MACROH2A2: variants seen among roughly 807,000 people sequenced by gnomAD.
MACROH2A2 encodes macroH2A.2 histone, also known as core histone macro-H2A.2.
In MACROH2A2, 6 loss-of-function variants were observed where a neutral mutation model predicts 37.6. That is an observed-to-expected ratio of 0.16 (90% CI 0.09 to 0.32). The LOEUF (loss-of-function observed/expected upper bound fraction) is 0.32, where lower values mean the gene tolerates loss of function less well. Ranked by LOEUF, MACROH2A2 falls within the 10% of genes least tolerant of loss-of-function variation. The probability of loss-of-function intolerance (pLI) is 1.00; values close to 1 mark genes in which losing one functional copy is unlikely to be tolerated. For synonymous variants in MACROH2A2, 192 were observed against 202.7 expected (o/e 0.95, Z 0.45); for missense variants, 290 against 485.9 (o/e 0.60, Z 3.79).
At chr10:70,061,943 G>C (rs2072052823) in intron 1 of MACROH2A2, among the ~76,000 whole-genome samples, 1 of 152,122 alleles carries the variant, frequency 6.6e-6, no homozygotes, top group Non-Finnish European at 1.5e-5. Flanking sequence ...GAAAGAAAAT[G>C]GTTTGGAAAG....
chr10:70,071,099 G>A (rs2072108001), intron 1 of MACROH2A2, among the ~76,000 whole-genome samples: 1 of 152,144 alleles, frequency 6.6e-6, no homozygotes, highest in Non-Finnish European at 1.5e-5. Flanking sequence ...GTGTGTGCGC[G>A]TGTGCACAGG....
At chr10:70,077,282 T>C (rs1261703891) in intron 2 of MACROH2A2, among the ~76,000 whole-genome samples, 3 of 152,200 alleles carry the variant, frequency 2.0e-5, no homozygotes, top group Admixed American at 6.5e-5. Context: ...CAAATGCAAG[T>C]TCCCGCCAGG....
In MACROH2A2 at chr10:70,107,188, G is replaced by A. The variant is rs550439619; in HGVS notation, c.779-1845G>A. Among the ~76,000 whole-genome samples the A allele has an allele frequency of 2.0e-5, 3 of 152,316 alleles. No homozygotes were observed. Among genetic ancestry groups the A allele is most frequent in the African/African-American group, 7.2e-5 (3 of 41,582 alleles). Reference sequence around the variant, plus strand: ...GTGTGATGACACTGAGCCCCGTCTAGGCACTGGAAGGCAGGGAGCCTACAG... The same window carrying A: ...GTGTGATGACACTGAGCCCCGTCTAAGCACTGGAAGGCAGGGAGCCTACAG... On this transcript the variant is annotated intron_variant, in intron 7 of 8. Coordinates refer to ENST00000373255, the MANE Select transcript of MACROH2A2 (RefSeq NM_018649.3). This position sits in a 1 kb window ranked among gnomAD's most constrained non-coding sequence, Gnocchi z 4.4.
At chr10:70,067,545 G>C (rs1348311092) in intron 1 of MACROH2A2, among the ~76,000 whole-genome samples, 3 of 152,078 alleles carry the variant, frequency 2.0e-5, no homozygotes, top group Non-Finnish European at 4.4e-5. Flanking sequence ...ACAATATTTA[G>C]AAAGTCTTAA....
chr10:70,090,185 G>A lies in MACROH2A2; in HGVS notation c.279+19G>A, dbSNP rs760446239. 1 of 1,524,304 alleles carries A rather than the reference G, an allele frequency of 6.6e-7. No homozygotes were observed. The highest frequency in any genetic ancestry group is 1.7e-5 in the Admixed American group (1 of 59,888). The allele number at this position is 1,524,304 out of a possible 1,614,324, so 94.4% of individuals were successfully genotyped here. The stretch of plus-strand genomic sequence containing the variant: ...CAACCAGGTATGTCTGAAGCCTTGA[G>A]GGAAGCCGTAGAATGGGTTTGCCAA... On this transcript the variant is annotated intron_variant, in intron 3 of 8. Transcript: ENST00000373255.
rs1180870015 is a variant in MACROH2A2 at position 70,110,624 on chromosome 10, C to G, written c.954-894C>G. Reference sequence around the variant, plus strand: ...AGGGAGCTGGCACGGTGGCTCACGCCTGTAAATCCAAAAGCTTTAGGAGGC... The same window carrying G: ...AGGGAGCTGGCACGGTGGCTCACGCGTGTAAATCCAAAAGCTTTAGGAGGC... On this transcript the variant is annotated intron_variant, in intron 8 of 8. Transcript: ENST00000373255. Among the ~76,000 whole-genome samples, 7 of 152,234 alleles carry G rather than the reference C, an allele frequency of 4.6e-5. No homozygotes were observed. The South Asian group carries it at 1.5e-3, about 32-fold the overall frequency.
At chr10:70,065,981 G>A (rs572629063) in intron 1 of MACROH2A2, among the ~76,000 whole-genome samples, 1 of 152,268 alleles carries the variant, frequency 6.6e-6, no homozygotes, top group South Asian at 2.1e-4. Flanking sequence ...CCTAAAGATC[G>A]TTCAAGTAAG....
Position 70,111,635 on chromosome 10 carries a change from G to C in MACROH2A2, c.1071G>C (p.Glu357Asp), listed in dbSNP as rs781465070. Residue 357 changes from glutamate (E) to aspartate (D), a missense_variant, in exon 9 of 9, where the codon GAG becomes GAC. By Grantham distance (45) the Glu-to-Asp change is conservative. This residue lies in a region of MACROH2A2 where 130 missense variants were observed against 257.1 expected (regional missense o/e 0.51). Coordinates refer to ENST00000373255, the MANE Select transcript of MACROH2A2 (RefSeq NM_018649.3). ...KNVYFLLFDS[E>D]SIGIYVQEMA... is the part of the protein sequence containing the mutation. ...TGTACTTCCTGCTCTTCGACAGCGA[G>C]AGCATCGGCATCTACGTGCAGGAGA... is the stretch of plus-strand genomic sequence containing the variant. The C allele has an allele frequency of 6.2e-7, 1 of 1,613,352 alleles. No homozygotes were observed. Among genetic ancestry groups the C allele is most frequent in the African/African-American group, 1.3e-5 (1 of 74,940 alleles).
rs551263867 is a variant in MACROH2A2, at chr10:70,054,798, A to G, written c.-60+1798A>G. ...GAGGCACTGCCCGGCGGAAAAGTTT[A>G]TCTTGAGTCGCATAATTCACATCTT... On this transcript the variant is annotated intron_variant, in intron 1 of 8. Coordinates refer to ENST00000373255, the MANE Select transcript of MACROH2A2 (RefSeq NM_018649.3). 2.0e-5 allele frequency among the ~76,000 whole-genome samples: 3 copies of G among 152,306 alleles called. No individual in the cohort carries two copies. The South Asian group carries it at 6.2e-4, about 32-fold the overall frequency.
chr10:70,076,960 C>G (rs12260565), intron 2 of MACROH2A2, among the ~76,000 whole-genome samples: 3 of 151,852 alleles, frequency 2.0e-5, no homozygotes, highest in Non-Finnish European at 4.4e-5. Context: ...TGTCCTCCCC[C>G]GAGAGCTTCC....
At chr10:70,094,750 G>A (rs954873547) in intron 5 of MACROH2A2, among the ~76,000 whole-genome samples, 4 of 152,204 alleles carry the variant, frequency 2.6e-5, no homozygotes, top group Non-Finnish European at 4.4e-5. Context: ...GCCAACAATA[G>A]AGAATGCCCT....
rs2136644347 is a variant in MACROH2A2 at position 70,107,613 on chromosome 10, A to G, written c.779-1420A>G. On this transcript the variant is annotated intron_variant, in intron 7 of 8. Coordinates refer to ENST00000373255, the MANE Select transcript of MACROH2A2 (RefSeq NM_018649.3). This position sits in a 1 kb window ranked among gnomAD's most constrained non-coding sequence, Gnocchi z 4.4. The stretch of plus-strand genomic sequence containing the variant: ...GCTTAGCAGCCACGGGGCTTTATCA[A>G]CTCTGTCACCAATGGGAACCACATT... Among the ~76,000 whole-genome samples, 1 of 152,240 alleles carries G rather than the reference A, an allele frequency of 6.6e-6. No individual in the cohort carries two copies. The highest frequency in any genetic ancestry group is 1.5e-5 in the Non-Finnish European group (1 of 68,020).
chr10:70,071,911 G>A (rs1256142537), intron 1 of MACROH2A2, among the ~76,000 whole-genome samples: 3 of 152,120 alleles, frequency 2.0e-5, no homozygotes, highest in South Asian at 2.1e-4. Flanking sequence ...GTGAAGGCCC[G>A]GGACATTATT....
intron 2 of MACROH2A2, among the ~76,000 whole-genome samples, chr10:70,079,214 C>T (rs959108634): frequency 2.6e-5 from 4 of 151,994 alleles, no homozygotes; most frequent in Non-Finnish European, 5.9e-5. Flanking sequence ...TGCATTTTCT[C>T]GTATCGATTG....
In MACROH2A2 at chr10:70,108,896, C is replaced by G. The variant is rs112871350; in HGVS notation, c.779-137C>G. The G allele has an allele frequency of 3.9e-3, 2,929 of 742,116 alleles. 64 individuals carry two copies. The African/African-American group carries it at 0.044, about 11-fold the overall frequency. The allele number at this position is 742,116 out of a possible 1,614,324, so 46.0% of individuals were successfully genotyped here. On this transcript the variant is annotated intron_variant, in intron 7 of 8. Coordinates refer to ENST00000373255, the MANE Select transcript of MACROH2A2 (RefSeq NM_018649.3). ...TGCTCTCGTTAAACATAGTCCACAT[C>G]AGGAGCACAGGATGCTGCCCAGCCA...
chr10:70,079,561 GCGCGCA>G (rs1461149780), intron 2 of MACROH2A2, among the ~76,000 whole-genome samples: 7 of 83,722 alleles, frequency 8.4e-5, no homozygotes, highest in African/African-American at 2.3e-4. Flanking sequence ...TCGCGCGCGC[GCGCGCA>G]CACACACACA....
intron 1 of MACROH2A2, among the ~76,000 whole-genome samples, chr10:70,065,338 A>C (rs143620615): frequency 0.048 from 7,313 of 152,160 alleles, 447 homozygotes; most frequent in East Asian, 0.24. Context: ...CGGCCTCCCA[A>C]AGTGCTGGGA....
intron 1 of MACROH2A2, among the ~76,000 whole-genome samples, chr10:70,073,426 A>T (rs2072121855): frequency 6.6e-6 from 1 of 152,194 alleles, no homozygotes; most frequent in African/African-American, 2.4e-5. Flanking sequence ...ACATGGCAAC[A>T]TTGCCTGATC....
In MACROH2A2 at chr10:70,088,828, G is replaced by A. The variant is rs184762585; in HGVS notation, c.173-1232G>A. ...AAAGAGGAAAAGGAGAGTCAACCAG[G>A]CGCAGTGGCTCAGGCCTGTAATCCC... On this transcript the variant is annotated intron_variant, in intron 2 of 8. Transcript: ENST00000373255. 2.5e-3 allele frequency among the ~76,000 whole-genome samples: 379 copies of A among 152,356 alleles called. 1 individual carries two copies. The highest frequency in any genetic ancestry group is 4.2e-3 in the Non-Finnish European group (289 of 68,036).
Sources: gnomAD v4.1 joint callset for allele counts (sites outside exome capture counted in the v4.1 genomes callset) on GRCh38, gnomAD v4.1.1 for gene constraint, gnomAD v4.1.1 regional missense constraint, Gnocchi (gnomAD v3.1) non-coding constraint, MANE v1.5 for transcripts, NCBI Gene and HGNC (gene_info 2026-07-23, HGNC 2026-07-21) for gene names.